Variants in FOXP2 observed in about 807,000 individuals in gnomAD.
The protein encoded by FOXP2 is forkhead box P2, also known as forkhead box protein P2.
A neutral mutation model predicts 115.8 loss-of-function variants in FOXP2; 12 were observed. The ratio of observed to expected loss-of-function variants is 0.10; its 90% CI spans 0.07 to 0.17. The LOEUF (loss-of-function observed/expected upper bound fraction) is 0.17. FOXP2 is among the 10% of genes least tolerant of loss of function. FOXP2 has a pLI of 1.00. For missense variants in FOXP2, 629 were observed against 843.5 expected (o/e 0.75, Z 3.15); for synonymous variants, 328 against 297.7 (o/e 1.10, Z -1.05).
intron 2 of FOXP2, among the ~76,000 whole-genome samples, chr7:114,532,238 G>A (rs1799174627): frequency 1.3e-5 from 2 of 151,906 alleles, no homozygotes; most frequent in African/African-American, 2.4e-5. Context: ...TCCGAGTTAA[G>A]GATGATGAGG....
intron 1 of FOXP2, among the ~76,000 whole-genome samples, chr7:114,152,310 T>C (rs1350758557): frequency 6.6e-6 from 1 of 152,182 alleles, no homozygotes; most frequent in Non-Finnish European, 1.5e-5. Context: ...TAGTCTATTA[T>C]GTACACATCT....
At chr7:114,342,393 C>T (rs1217914002) in intron 2 of FOXP2, among the ~76,000 whole-genome samples, 1 of 151,226 alleles carries the variant, frequency 6.6e-6, no homozygotes, top group African/African-American at 2.4e-5. Flanking sequence ...CAAGAATAGC[C>T]TATCATATCT....
At chr7:114,631,802 T>A in intron 6 of FOXP2, 97 bp downstream of exon 6, 1 of 1,275,814 alleles carries the variant, frequency 7.8e-7, no homozygotes. Flanking sequence ...TTTGTTTTTA[T>A]GACTTTCAAA....
intron 2 of FOXP2, among the ~76,000 whole-genome samples, chr7:114,350,186 T>G (rs1791448566): frequency 6.6e-6 from 1 of 152,148 alleles, no homozygotes; most frequent in African/African-American, 2.4e-5. Context: ...ACGAGCAGGT[T>G]TGTTACACAG....
At chr7:114,174,003 A>G (rs757254687) in intron 1 of FOXP2, among the ~76,000 whole-genome samples, 7 of 152,012 alleles carry the variant, frequency 4.6e-5, no homozygotes, top group African/African-American at 1.7e-4. Flanking sequence ...AAAAATACTA[A>G]TAATAATTTC....
At chr7:114,677,456 G>T (rs1807838869) in intron 16 of FOXP2, among the ~76,000 whole-genome samples, 1 of 152,096 alleles carries the variant, frequency 6.6e-6, no homozygotes, top group Non-Finnish European at 1.5e-5. Flanking sequence ...TTATTCTAAA[G>T]AAAAATAGGA....
chr7:114,128,135 A>G (rs1025108754), intron 1 of FOXP2, among the ~76,000 whole-genome samples: 4 of 152,166 alleles, frequency 2.6e-5, no homozygotes, highest in African/African-American at 9.7e-5. Context: ...CTTTTACTTT[A>G]TTTTACTCCT....
intron 1 of FOXP2, among the ~76,000 whole-genome samples, chr7:114,129,147 A>T (rs1296917663): frequency 6.6e-6 from 1 of 152,218 alleles, no homozygotes; most frequent in Admixed American, 6.5e-5. Flanking sequence ...TTATAGAGCA[A>T]GACGATACCT....
At chr7:114,193,160 C>G (rs1224792476) in intron 1 of FOXP2, among the ~76,000 whole-genome samples, 1 of 151,960 alleles carries the variant, frequency 6.6e-6, no homozygotes, top group Non-Finnish European at 1.5e-5. Context: ...GTATTTAATA[C>G]TGTAACGTAA....
intron 1 of FOXP2, among the ~76,000 whole-genome samples, chr7:114,199,112 G>A (rs1467143630): frequency 6.6e-6 from 1 of 152,118 alleles, no homozygotes; most frequent in Non-Finnish European, 1.5e-5. Flanking sequence ...AAATTCCTGG[G>A]CTAAGGAGAT....
At chr7:114,172,787 A>G (rs1309913082) in intron 1 of FOXP2, among the ~76,000 whole-genome samples, 1 of 152,204 alleles carries the variant, frequency 6.6e-6, no homozygotes, top group Non-Finnish European at 1.5e-5. Context: ...GGCAATCTCA[A>G]TGATTCTAAG....
chr7:114,318,375 CTTTGTT>C (rs1442834850), intron 2 of FOXP2, among the ~76,000 whole-genome samples: 8 of 90,038 alleles, frequency 8.9e-5, no homozygotes, highest in African/African-American at 3.7e-4. Flanking sequence ...TGATGTCTCT[CTTTGTT>C]TTTTTTTTTT....
At chr7:114,143,878 G>T (rs1311398551) in intron 1 of FOXP2, among the ~76,000 whole-genome samples, 1 of 151,742 alleles carries the variant, frequency 6.6e-6, no homozygotes, top group Non-Finnish European at 1.5e-5. Flanking sequence ...ACTTATGCTG[G>T]TTCTACTTAA....
intron 2 of FOXP2, among the ~76,000 whole-genome samples, chr7:114,361,789 C>G (rs1791750397): frequency 2.0e-5 from 3 of 151,990 alleles, no homozygotes. Context: ...AAAGCCCACT[C>G]CAAAAAAGCA....
intron 1 of FOXP2, among the ~76,000 whole-genome samples, chr7:114,418,696 A>C (rs988640924): frequency 1.3e-5 from 2 of 151,810 alleles, no homozygotes; most frequent in Admixed American, 6.6e-5. Flanking sequence ...AGCTATACAG[A>C]AGGTCAATGG....
At chr7:114,561,188 G>A (rs1800742194) in intron 3 of FOXP2, 2 of 152,302 alleles carry the variant, frequency 1.3e-5, no homozygotes, top group East Asian at 3.9e-4. Context: ...AGAAAAAAAT[G>A]GTGCTATTAA....
At chr7:114,636,057 G>A (rs1032483285) in intron 6 of FOXP2, among the ~76,000 whole-genome samples, 3 of 152,116 alleles carry the variant, frequency 2.0e-5, no homozygotes, top group African/African-American at 7.2e-5. Flanking sequence ...CCTCTCATTA[G>A]ACAAGCATTT....
chr7:114,264,028 C>G (rs538006255), intron 1 of FOXP2, among the ~76,000 whole-genome samples: 2 of 152,224 alleles, frequency 1.3e-5, no homozygotes, highest in Non-Finnish European at 2.9e-5. Context: ...CTTACTCTCA[C>G]CTTTTTACGC....
intron 3 of FOXP2, among the ~76,000 whole-genome samples, chr7:114,600,185 T>C (rs1403614366): frequency 1.3e-5 from 2 of 152,192 alleles, no homozygotes; most frequent in African/African-American, 4.8e-5. Flanking sequence ...GTTCCATCTC[T>C]TCTGCTCAAC....
Sources: allele counts gnomAD v4.1 joint callset (sites outside exome capture counted in the v4.1 genomes callset), GRCh38; gene constraint gnomAD v4.1.1; transcripts MANE v1.5; gene names NCBI Gene and HGNC (gene_info 2026-07-23, HGNC 2026-07-21).